The following PDE4D variants were observed in gnomAD, a reference collection of about 807,000 sequenced individuals.
The protein encoded by PDE4D is 3',5'-cyclic-AMP phosphodiesterase 4D.
PDE4D carries 24 observed loss-of-function variants against 87.4 expected under a neutral mutation model. That is an observed-to-expected ratio of 0.27 (90% CI 0.20 to 0.39). The LOEUF (loss-of-function observed/expected upper bound fraction) is 0.39, where lower values mean the gene tolerates loss of function less well. Ranked by LOEUF, PDE4D falls within the 10% of genes least tolerant of loss-of-function variation. The pLI, the probability that PDE4D is intolerant of heterozygous loss-of-function variation, is 1.00. For missense variants in PDE4D, 714 were observed against 1,041.0 expected (o/e 0.69, Z 4.32); for synonymous variants, 384 against 383.2 (o/e 1.00, Z -0.02).
intron 1 of PDE4D, among the ~76,000 whole-genome samples, chr5:59,256,471 G>T (rs897505672): frequency 5.3e-5 from 8 of 151,990 alleles, no homozygotes; most frequent in Admixed American, 3.9e-4. Context: ...AGGATGAAGA[G>T]AATCTGTTTC....
At chr5:60,210,628 T>G (rs1400903609) in intron 1 of PDE4D, among the ~76,000 whole-genome samples, 1 of 152,086 alleles carries the variant, frequency 6.6e-6, no homozygotes. Context: ...CCCTCCCCAA[T>G]TTTTTTAACC....
At chr5:60,348,924 C>T (rs1017639688) in intron 1 of PDE4D, among the ~76,000 whole-genome samples, 3 of 152,018 alleles carry the variant, frequency 2.0e-5, no homozygotes, top group Admixed American at 6.6e-5. Context: ...GAGGTTAATG[C>T]TTTTAATATT....
intron 1 of PDE4D, among the ~76,000 whole-genome samples, chr5:59,864,269 G>T (rs1306292296): frequency 1.3e-5 from 2 of 152,122 alleles, no homozygotes; most frequent in Non-Finnish European, 2.9e-5. Flanking sequence ...ACTGGACCTA[G>T]TAGGAGCTAA....
chr5:59,219,655 T>C (rs464311), intron 1 of PDE4D, among the ~76,000 whole-genome samples: 58,943 of 151,966 alleles, frequency 0.39, 13,527 homozygotes, highest in African/African-American at 0.63. Flanking sequence ...AAAGTCTAGT[T>C]AAGGTAATAG....
At chr5:59,790,237 C>T (rs191515326) in intron 1 of PDE4D, among the ~76,000 whole-genome samples, 1 of 152,236 alleles carries the variant, frequency 6.6e-6, no homozygotes, top group Non-Finnish European at 1.5e-5. Context: ...AAAATAATTA[C>T]ATGAGTGTTT....
At chr5:59,709,190 G>T (rs998721708) in intron 1 of PDE4D, among the ~76,000 whole-genome samples, 1 of 152,020 alleles carries the variant, frequency 6.6e-6, no homozygotes. Flanking sequence ...GCAGCCCCGG[G>T]AAAAAGAATT....
intron 1 of PDE4D, among the ~76,000 whole-genome samples, chr5:60,286,003 A>C (rs932360202): frequency 6.6e-6 from 1 of 152,236 alleles, no homozygotes; most frequent in Non-Finnish European, 1.5e-5. Flanking sequence ...GAGCAAATAC[A>C]GAGCTTTAAG....
At chr5:59,630,614 G>T (rs1257978645) in intron 1 of PDE4D, among the ~76,000 whole-genome samples, 1 of 152,162 alleles carries the variant, frequency 6.6e-6, no homozygotes, top group African/African-American at 2.4e-5. Context: ...AAAAATGTTT[G>T]CCCAAATGAG....
At chr5:59,322,968 T>C (rs572054242) in intron 1 of PDE4D, among the ~76,000 whole-genome samples, 1 of 152,290 alleles carries the variant, frequency 6.6e-6, no homozygotes, top group Admixed American at 6.5e-5. Flanking sequence ...ACTGTAGCAA[T>C]AGCTGACTAA....
chr5:59,045,577 A>G (rs983752999), intron 5 of PDE4D, among the ~76,000 whole-genome samples: 2 of 151,546 alleles, frequency 1.3e-5, no homozygotes, highest in African/African-American at 2.4e-5. Context: ...AAAAAAAAAA[A>G]AAAGATGTGT....
At chr5:60,057,563 T>C (rs1191826889) in intron 2 of PDE4D, among the ~76,000 whole-genome samples, 2 of 151,932 alleles carry the variant, frequency 1.3e-5, no homozygotes, top group Non-Finnish European at 2.9e-5. Flanking sequence ...GAAAACTGTA[T>C]TGCTCTTATT....
intron 1 of PDE4D, among the ~76,000 whole-genome samples, chr5:59,271,330 C>T (rs1035951321): frequency 1.1e-4 from 16 of 151,972 alleles, no homozygotes; most frequent in African/African-American, 3.4e-4. Context: ...CAAGCTACGC[C>T]GCCTGGCCAA....
chr5:59,133,533 T>C lies in PDE4D; in HGVS notation c.808+47062A>G, dbSNP rs182263431. 5.9e-4 allele frequency among the ~76,000 whole-genome samples: 90 copies of C among 152,322 alleles called. 1 individual carries two copies. Among genetic ancestry groups the C allele is most frequent in the African/African-American group, 2.0e-3 (82 of 41,576 alleles). On this transcript the variant is annotated intron_variant, in intron 5 of 14. Transcript: ENST00000340635. ...ATCAGGACATTACAAAAGCTTAATTTAATAAATCTCTTGTCTGATTCATTC... is the reference window on the plus strand; with the variant it reads ...ATCAGGACATTACAAAAGCTTAATTCAATAAATCTCTTGTCTGATTCATTC...
chr5:60,078,544 C>T (rs372735050), intron 2 of PDE4D, among the ~76,000 whole-genome samples: 9 of 152,218 alleles, frequency 5.9e-5, no homozygotes, highest in African/African-American at 1.2e-4. Context: ...CACTCAATCC[C>T]CTCCCCAGAA....
intron 2 of PDE4D, among the ~76,000 whole-genome samples, chr5:59,205,804 C>T (rs1488487091): frequency 6.6e-6 from 1 of 152,042 alleles, no homozygotes; most frequent in African/African-American, 2.4e-5. Flanking sequence ...AATATGAGAT[C>T]TGCATGTAGC....
At chr5:59,911,796 T>C (rs13359864) in intron 3 of PDE4D, among the ~76,000 whole-genome samples, 41 of 152,272 alleles carry the variant, frequency 2.7e-4, no homozygotes, top group African/African-American at 9.4e-4. Flanking sequence ...AATGATCTTT[T>C]GATGAGGTCT....
intron 5 of PDE4D, among the ~76,000 whole-genome samples, chr5:59,164,650 C>CT (rs199624594): frequency 7.9e-5 from 12 of 152,152 alleles, no homozygotes; most frequent in South Asian, 2.1e-4. Context: ...AAGCACATAT[C>CT]TTTTTTTTAA....
In PDE4D at chr5:60,457,863, G is replaced by A. The variant is rs182469355; in HGVS notation, c.-90+30079C>T. Among the ~76,000 whole-genome samples, 32 of 152,334 alleles carry A rather than the reference G, an allele frequency of 2.1e-4. No individual in the cohort carries two copies. In the East Asian group the frequency reaches 2.3e-3, roughly 11 times the overall value. ...GTGCTGCTTAATAGGCATGGTTGAT[G>A]TGAGCACTTGTGGCAGATATTCTCT... On this transcript the variant is annotated intron_variant, in intron 1 of 16. Coordinates refer to the PDE4D transcript ENST00000502484.
At position 59,214,145 on chromosome 5, in the gene PDE4D, G is replaced by A. The variant is rs144927626; in HGVS notation, c.647+1632C>T. ...CCACTGCCATCACTCCCTTGACTTA[G>A]GTCTTCATCATATTTAGCCTGCCTT... On this transcript the variant is annotated intron_variant, in intron 2 of 14. Coordinates refer to ENST00000340635, the MANE Select transcript of PDE4D (RefSeq NM_001104631.2). Among the ~76,000 whole-genome samples, 221 of 150,720 alleles carry A rather than the reference G, an allele frequency of 1.5e-3. 1 individual carries two copies. Among genetic ancestry groups the A allele is most frequent in the African/African-American group, 5.0e-3 (203 of 40,960 alleles).
Sources: gnomAD v4.1 joint callset for allele counts (sites outside exome capture counted in the v4.1 genomes callset) on GRCh38, gnomAD v4.1.1 for gene constraint, MANE v1.5 for transcripts, NCBI Gene and HGNC (gene_info 2026-07-23, HGNC 2026-07-21) for gene names.